Variants in MACROD2 observed in about 807,000 individuals in gnomAD.
MACROD2 encodes ADP-ribose glycohydrolase MACROD2.
A neutral mutation model predicts 70.4 loss-of-function variants in MACROD2; 36 were observed. The ratio of observed to expected loss-of-function variants is 0.51; its 90% CI spans 0.39 to 0.68. The LOEUF is 0.68. Among genes scored for constraint, MACROD2 ranks in the 30% least tolerant of loss-of-function variants. The pLI is 0.00. For synonymous variants in MACROD2, 172 were observed against 178.8 expected (o/e 0.96, Z 0.30); for missense variants, 496 against 538.4 (o/e 0.92, Z 0.78).
At chr20:14,850,012 C>A (rs1398054739) in intron 5 of MACROD2, 2 of 517,150 alleles carry the variant, frequency 3.9e-6, no homozygotes, top group Non-Finnish European at 7.7e-6. Flanking sequence ...AAGTATGTTT[C>A]TCTATTGTAT....
chr20:14,184,981 A>G (rs992706335), intron 3 of MACROD2, among the ~76,000 whole-genome samples: 38 of 152,050 alleles, frequency 2.5e-4, no homozygotes, highest in African/African-American at 9.2e-4. Flanking sequence ...CTTGTTGACT[A>G]TTCATTGCAT....
At chr20:14,946,089 C>T (rs748563231) in intron 5 of MACROD2, among the ~76,000 whole-genome samples, 24 of 152,094 alleles carry the variant, frequency 1.6e-4, no homozygotes, top group Admixed American at 3.3e-4. Context: ...ATCCCAGCTA[C>T]TGGGGAGGCT....
At chr20:14,060,355 G>A (rs1256263000) in intron 2 of MACROD2, among the ~76,000 whole-genome samples, 1 of 152,062 alleles carries the variant, frequency 6.6e-6, no homozygotes, top group Admixed American at 6.6e-5. Flanking sequence ...AAGGAGGAAG[G>A]GACAGAAATT....
chr20:15,351,230 G>C (rs141267864), intron 6 of MACROD2, among the ~76,000 whole-genome samples: 67 of 152,226 alleles, frequency 4.4e-4, no homozygotes, highest in African/African-American at 1.6e-3. Context: ...AATCTCTAAG[G>C]CTGGTTGTTG....
intron 8 of MACROD2, among the ~76,000 whole-genome samples, chr20:15,823,738 C>T (rs2063966797): frequency 6.6e-6 from 1 of 152,224 alleles, no homozygotes; most frequent in Middle Eastern, 3.4e-3. Context: ...GCAGGCTGGT[C>T]AAATGTACAT....
Position 13,995,868 on chromosome 20 carries a change from G to T in MACROD2, c.46+59G>T, listed in dbSNP as rs2052632460. On this transcript the variant is annotated intron_variant, in intron 1 of 17. Coordinates refer to ENST00000684519, the MANE Select transcript of MACROD2 (RefSeq NM_001351661.2). This position sits in a 1 kb window ranked among gnomAD's most constrained non-coding sequence, Gnocchi z 4.3. ...GGTGGGGGTTAGGGTGGGGGCGGGG[G>T]TCAGGCTGTGTGTGCCGCGGCGCCC... The T allele has an allele frequency of 6.8e-7, 1 of 1,476,542 alleles. No individual in the cohort carries two copies. Among genetic ancestry groups the T allele is most frequent in the Non-Finnish European group, 9.2e-7 (1 of 1,082,082 alleles). 91.5% of individuals were successfully genotyped at this position (1,476,542 alleles called of 1,614,324 possible).
intron 8 of MACROD2, among the ~76,000 whole-genome samples, chr20:15,833,961 C>G (rs760806411): frequency 6.6e-6 from 1 of 152,070 alleles, no homozygotes; most frequent in Non-Finnish European, 1.5e-5. Flanking sequence ...CAGTGCTTCC[C>G]CTTTCCAGGT....
At chr20:15,433,691 A>G (rs907008118) in intron 7 of MACROD2, among the ~76,000 whole-genome samples, 2 of 151,842 alleles carry the variant, frequency 1.3e-5, no homozygotes, top group African/African-American at 4.8e-5. Context: ...AACTAGGAAA[A>G]AAAAGCTGAA....
At chr20:16,033,862 T>TGG (rs1196010191) in intron 15 of MACROD2, among the ~76,000 whole-genome samples, 1 of 145,264 alleles carries the variant, frequency 6.9e-6, no homozygotes. Context: ...GGGGGTGGGG[T>TGG]GGGGGAGAAA....
intron 8 of MACROD2, among the ~76,000 whole-genome samples, chr20:15,744,654 T>G (rs1233493114): frequency 6.6e-6 from 1 of 151,114 alleles, no homozygotes; most frequent in Non-Finnish European, 1.5e-5. Flanking sequence ...ACATTATAAG[T>G]AGAAGAGAAT....
chr20:15,946,777 A>G (rs2065829203), intron 12 of MACROD2, among the ~76,000 whole-genome samples: 1 of 152,190 alleles, frequency 6.6e-6, no homozygotes. Context: ...AAGTGGGCCC[A>G]GGGGACCAGC....
rs571918437 is a variant in MACROD2 at position 14,854,981 on chromosome 20, A to C, written c.418+170022A>C. Among the ~76,000 whole-genome samples the C allele has an allele frequency of 4.1e-3, 628 of 152,250 alleles. 2 individuals are homozygous for C. Among genetic ancestry groups the C allele is most frequent in the African/African-American group, 0.014 (602 of 41,534 alleles). On this transcript the variant is annotated intron_variant, in intron 5 of 17. Transcript: ENST00000684519. ...CAGTGAGCCGAGATCGCACCACTGC[A>C]CTCCAGCCTGGGCGACAGAATGAGA...
At chr20:15,241,211 A>T (rs1340252796) in intron 6 of MACROD2, among the ~76,000 whole-genome samples, 1 of 152,224 alleles carries the variant, frequency 6.6e-6, no homozygotes, top group South Asian at 2.1e-4. Context: ...AGTAGATTAC[A>T]TAGCTTATTA....
At chr20:15,471,989 C>T (rs1288661313) in intron 7 of MACROD2, among the ~76,000 whole-genome samples, 4 of 152,184 alleles carry the variant, frequency 2.6e-5, no homozygotes. Context: ...AGCTTATCTT[C>T]TACCTTTCCT....
intron 8 of MACROD2, among the ~76,000 whole-genome samples, chr20:15,830,477 GA>G (rs2064043265): frequency 6.6e-6 from 1 of 152,166 alleles, no homozygotes; most frequent in Admixed American, 6.5e-5. Context: ...GATCCCTGAG[GA>G]GTTGGAATGC....
At chr20:14,830,218 G>A (rs1289453427) in intron 5 of MACROD2, among the ~76,000 whole-genome samples, 1 of 152,104 alleles carries the variant, frequency 6.6e-6, no homozygotes, top group Admixed American at 6.6e-5. Context: ...AGGCATCACT[G>A]AAATTTGAAT....
rs1174091910 is a variant in MACROD2, at chr20:14,298,545, G to C, written c.272-194934G>C. Among the ~76,000 whole-genome samples the C allele has an allele frequency of 6.2e-5, 9 of 144,998 alleles. No individual in the cohort carries two copies. The East Asian group carries it at 1.8e-3, about 29-fold the overall frequency. ...ATTGCGCCATTGCACTCCAGCCTGG[G>C]TGACAAGAGCAAAACTCCACCTCAA... On this transcript the variant is annotated intron_variant, in intron 3 of 17. Transcript: ENST00000684519.
At chr20:14,348,045 TGAGGTCAG>T (rs2122684622) in intron 3 of MACROD2, among the ~76,000 whole-genome samples, 1 of 152,240 alleles carries the variant, frequency 6.6e-6, no homozygotes, top group South Asian at 2.1e-4. Flanking sequence ...GTGGATCATC[TGAGGTCAG>T]GAGTTTGAGA....
chr20:15,043,178 A>C (rs941912973), intron 5 of MACROD2, among the ~76,000 whole-genome samples: 1 of 152,236 alleles, frequency 6.6e-6, no homozygotes. Flanking sequence ...ATGACCAGGC[A>C]GTGGACTGAA....
Sources: allele counts gnomAD v4.1 joint callset (sites outside exome capture counted in the v4.1 genomes callset), GRCh38; gene constraint gnomAD v4.1.1; non-coding constraint Gnocchi (gnomAD v3.1); transcripts MANE v1.5; gene names NCBI Gene and HGNC (gene_info 2026-07-23, HGNC 2026-07-21).